GPR183: variants seen among roughly 807,000 people sequenced by gnomAD.
The protein encoded by GPR183 is G protein-coupled receptor 183.
Under a neutral mutation model 19.7 loss-of-function variants are expected in GPR183, and 9 were observed. The ratio of observed to expected loss-of-function variants is 0.46; its 90% CI spans 0.28 to 0.80. GPR183 has a LOEUF of 0.80. Ranked by LOEUF, GPR183 falls within the 30% of genes least tolerant of loss-of-function variation. The pLI is 0.13. For missense variants in GPR183, 368 were observed against 446.7 expected (o/e 0.82, Z 1.59); for synonymous variants, 160 against 155.1 (o/e 1.03, Z -0.24).
chr13:99,299,449 TACAC>T (rs1005093496), intron 1 of GPR183, among the ~76,000 whole-genome samples: 1 of 149,890 alleles, frequency 6.7e-6, no homozygotes, highest in South Asian at 2.1e-4. Context: ...GGGAAGCAAA[TACAC>T]ACACACACGC....
Position 99,295,031 on chromosome 13 carries a change from C to T in GPR183, c.*29G>A, listed in dbSNP as rs376942836. 16 of 1,592,720 alleles carry T rather than the reference C, an allele frequency of 1.0e-5. No individual in the cohort carries two copies. The highest frequency in any genetic ancestry group is 9.4e-5 in the African/African-American group (7 of 74,120). On this transcript the variant is annotated 3_prime_UTR_variant, in exon 2 of 2. Transcript: ENST00000376414. The surrounding 1 kb of genome is among the most constrained non-coding windows in gnomAD (Gnocchi z 4.1). ...CCTGCAAAGTTTGTCATACAGTTTA[C>T]GTCACTATAAACCAAAATACAATCC...
Position 99,296,043 on chromosome 13 carries a change from G to A in GPR183, c.103C>T (p.Pro35Ser). The change falls in exon 2 of 2, where the codon CCT (proline) becomes TCT (serine). Residue 35 changes from proline to serine, a missense_variant. Physicochemically the swap from Pro to Ser is moderately conservative, Grantham distance 74. Transcript: ENST00000376414. ...ATGAAGACGAGGCTGTAATGCAGAG[G>A]CATTACTATCCTGGCCGTGCTGTGA... ...AHHSTARIVM[P>S]LHYSLVFIIG... The A allele has an allele frequency of 6.2e-7, 1 of 1,614,082 alleles. No homozygotes were observed. The highest frequency in any genetic ancestry group is 1.1e-5 in the South Asian group (1 of 91,078).
At chr13:99,302,810 C>T (rs2044276162) in intron 1 of GPR183, among the ~76,000 whole-genome samples, 1 of 152,224 alleles carries the variant, frequency 6.6e-6, no homozygotes, top group African/African-American at 2.4e-5. Flanking sequence ...ACGCTGCTAA[C>T]CAACTGTCAC....
chr13:99,299,278 A>G (rs953533576), intron 1 of GPR183, among the ~76,000 whole-genome samples: 2 of 152,254 alleles, frequency 1.3e-5, no homozygotes, highest in African/African-American at 4.8e-5. Flanking sequence ...AGGGGATTAA[A>G]TATTTTATGG....
At chr13:99,298,831 G>A (rs1412716961) in intron 1 of GPR183, among the ~76,000 whole-genome samples, 1 of 152,118 alleles carries the variant, frequency 6.6e-6, no homozygotes, top group African/African-American at 2.4e-5. Flanking sequence ...CAAGAGAGAG[G>A]TGAAAATTCC....
chr13:99,295,696 G>T lies in GPR183; in HGVS notation c.450C>A (p.Gly150=). ...CTAGAATCCAGACAAATATGCACAC[G>T]CCTTTTGCATGTTCAATCCTTTTTA... ...NKIKRIEHAK[G]VCIFVWILVF... is the part of the protein sequence containing the mutation. Residue 150 remains glycine (G), a synonymous_variant, in exon 2 of 2, where the codon GGC becomes GGA. Coordinates refer to ENST00000376414, the MANE Select transcript of GPR183 (RefSeq NM_004951.5). The surrounding 1 kb of genome is among the most constrained non-coding windows in gnomAD (Gnocchi z 4.1). 1.9e-6 allele frequency: 3 copies of T among 1,614,118 alleles called. No homozygotes were observed. The East Asian group carries it at 6.7e-5, about 36-fold the overall frequency.
chr13:99,298,431 C>T (rs1002922808), intron 1 of GPR183, among the ~76,000 whole-genome samples: 7 of 152,008 alleles, frequency 4.6e-5, no homozygotes, highest in Non-Finnish European at 7.4e-5. Flanking sequence ...GTGGAAATTT[C>T]GAAATGCTTA....
Position 99,295,185 on chromosome 13 carries a change from T to A in GPR183, c.961A>T (p.Arg321Trp). The A allele has an allele frequency of 6.2e-7, 1 of 1,614,168 alleles. No homozygotes were observed. Among genetic ancestry groups the A allele is most frequent in the Non-Finnish European group, 8.5e-7 (1 of 1,180,010 alleles). The change falls in exon 2 of 2, where the codon AGG (arginine) becomes TGG (tryptophan). Residue 321 changes from arginine (R) to tryptophan (W), a missense_variant. Physicochemically the swap from Arg to Trp is moderately radical, Grantham distance 101 (BLOSUM62 -3). Transcript: ENST00000376414. The surrounding 1 kb of genome is among the most constrained non-coding windows in gnomAD (Gnocchi z 4.1). The part of the protein sequence containing the change: ...ACKGYKRKVM[R>W]MLKRQVSVSI... ...ACACTGACTTGCCGTTTCAGCATCC[T>A]CATAACCTTTCTCTTATACCCTTTA...
chr13:99,296,019 T>C lies in GPR183; in HGVS notation c.127A>G (p.Ile43Val), dbSNP rs760235308. 1 of 1,614,138 alleles carries C rather than the reference T, an allele frequency of 6.2e-7. No individual in the cohort carries two copies. The highest frequency in any genetic ancestry group is 8.5e-7 in the Non-Finnish European group (1 of 1,180,012). The change falls in exon 2 of 2, where the codon ATC (isoleucine) becomes GTC (valine). Residue 43 changes from isoleucine to valine, a missense_variant. By Grantham distance (29) the Ile-to-Val change is conservative. Coordinates refer to ENST00000376414, the MANE Select transcript of GPR183 (RefSeq NM_004951.5). ...VMPLHYSLVFIIGLVGNLLAL... is the reference protein window; with the variant it reads ...VMPLHYSLVFVIGLVGNLLAL... Reference sequence around the variant, plus strand: ...AGTAAGTTTCCCACGAGCCCAATGATGAAGACGAGGCTGTAATGCAGAGGC... The same window carrying C: ...AGTAAGTTTCCCACGAGCCCAATGACGAAGACGAGGCTGTAATGCAGAGGC...
chr13:99,296,424 G>T (rs2044174583), intron 1 of GPR183, among the ~76,000 whole-genome samples: 1 of 152,166 alleles, frequency 6.6e-6, no homozygotes, highest in South Asian at 2.1e-4. Context: ...TCTGGCAAAG[G>T]AAACAGAACC....
chr13:99,302,053 A>G (rs955457329), intron 1 of GPR183, among the ~76,000 whole-genome samples: 4 of 152,198 alleles, frequency 2.6e-5, no homozygotes, highest in Non-Finnish European at 5.9e-5. Context: ...CTGTAGGTCA[A>G]GTCTTCTCTA....
chr13:99,295,887 G>T lies in GPR183; in HGVS notation c.259C>A (p.Arg87=), dbSNP rs767046352. The change falls in exon 2 of 2, where the codon CGA becomes AGA. Residue 87 remains arginine (R), a synonymous_variant. Coordinates refer to ENST00000376414, the MANE Select transcript of GPR183 (RefSeq NM_004951.5). The surrounding 1 kb of genome is among the most constrained non-coding windows in gnomAD (Gnocchi z 4.1). ...DILFTTALPT[R]IAYYAMGFDW... ...AAGCCCATTGCATAGTAGGCTATTC[G>T]TGTAGGCAAAGCGGTGGTAAAAAGT... 3 of 1,611,718 alleles carry T rather than the reference G, an allele frequency of 1.9e-6. No homozygotes were observed. The highest frequency in any genetic ancestry group is 2.2e-5 in the East Asian group (1 of 44,880).
chr13:99,303,498 A>G (rs182910547), intron 1 of GPR183, among the ~76,000 whole-genome samples: 1 of 152,346 alleles, frequency 6.6e-6, no homozygotes, highest in Admixed American at 6.5e-5. Flanking sequence ...AAGTTATTGA[A>G]GATGAAGATG....
intron 1 of GPR183, among the ~76,000 whole-genome samples, chr13:99,301,155 C>T (rs189567397): frequency 7.5e-4 from 114 of 152,350 alleles, no homozygotes; most frequent in African/African-American, 2.6e-3. Context: ...GCCCCTCAGC[C>T]GTCCTTCGTG....
intron 1 of GPR183, among the ~76,000 whole-genome samples, chr13:99,298,341 A>C (rs538169191): frequency 2.7e-4 from 41 of 152,284 alleles, no homozygotes; most frequent in African/African-American, 9.9e-4. Flanking sequence ...ATTATAAACC[A>C]ATGATAAAAA....
chr13:99,300,126 A>G (rs1201321128), intron 1 of GPR183, among the ~76,000 whole-genome samples: 1 of 152,206 alleles, frequency 6.6e-6, no homozygotes, highest in Non-Finnish European at 1.5e-5. Flanking sequence ...TTCTAAGGGC[A>G]GGGGGTGCCC....
rs774658633 is a variant in GPR183, at chr13:99,296,140, A to G, written c.6T>C (p.Asp2=). The G allele has an allele frequency of 7.5e-6, 12 of 1,595,946 alleles. No individual in the cohort carries two copies. The South Asian group carries it at 1.3e-4, about 18-fold the overall frequency. Residue 2 remains aspartate, a synonymous_variant, in exon 2 of 2, where the codon GAT becomes GAC. Transcript: ENST00000376414. ...GAGTAAAATTGTTTGCCATTTGTAT[A>G]TCCATTGGTGGTGGTCCAGGTGTCT... The part of the protein sequence containing the change: M[D]IQMANNFTPP...
At chr13:99,296,615 A>G (rs2044178121) in intron 1 of GPR183, among the ~76,000 whole-genome samples, 1 of 152,204 alleles carries the variant, frequency 6.6e-6, no homozygotes, top group African/African-American at 2.4e-5. Flanking sequence ...CCAAATGCAT[A>G]TCACTGCCAG....
rs759949737 is a variant in GPR183, at chr13:99,295,095, T to C, written c.1051A>G (p.Met351Val). The stretch of plus-strand genomic sequence containing the variant: ...TTTGAAGACTTGGAATGTATCATCA[T>C]CTGCGTTTCTGTCATTTCACGTGAA... ...ENSREMTETQ[M>V]MIHSKSSNGK Residue 351 changes from methionine to valine, a missense_variant, in exon 2 of 2, where the codon ATG (methionine) becomes GTG (valine). Transcript: ENST00000376414. This position sits in a 1 kb window ranked among gnomAD's most constrained non-coding sequence, Gnocchi z 4.1. 1.9e-6 allele frequency: 3 copies of C among 1,613,994 alleles called. No homozygotes were observed. The African/African-American group carries it at 4.0e-5, about 22-fold the overall frequency.
Sources: allele counts gnomAD v4.1 joint callset (sites outside exome capture counted in the v4.1 genomes callset), GRCh38; gene constraint gnomAD v4.1.1; non-coding constraint Gnocchi (gnomAD v3.1); transcripts MANE v1.5; gene names NCBI Gene and HGNC (gene_info 2026-07-23, HGNC 2026-07-21).